TMC2: variants seen among roughly 807,000 people sequenced by gnomAD.
The protein encoded by TMC2 is transmembrane channel-like protein 2.
TMC2 carries 102 observed loss-of-function variants against 105.9 expected under a neutral mutation model. The ratio of observed to expected loss-of-function variants is 0.96; its 90% CI spans 0.82 to 1.14. The LOEUF (loss-of-function observed/expected upper bound fraction) is 1.14, where lower values mean the gene tolerates loss of function less well. Ranked by LOEUF, TMC2 falls within the 50% of genes most tolerant of loss-of-function variation. The pLI is 0.00. For synonymous variants in TMC2, 402 were observed against 422.8 expected, an observed-to-expected ratio of 0.95 and a Z score of 0.60; for missense variants, 1,093 against 1,134.3, an observed-to-expected ratio of 0.96 and a Z score of 0.52.
chr20:2,589,227 C>T (rs1045000691), intron 7 of TMC2, among the ~76,000 whole-genome samples: 2 of 148,326 alleles, frequency 1.3e-5, no homozygotes, highest in Non-Finnish European at 3.0e-5. Context: ...TCCCAGGCCT[C>T]AACTAAAAGC....
chr20:2,568,030 C>T (rs150323615), intron 4 of TMC2, among the ~76,000 whole-genome samples: 1,700 of 152,160 alleles, frequency 0.011, 60 homozygotes, highest in Admixed American at 0.085. Context: ...ACATTAGTAT[C>T]GTTGGAATTC....
At chr20:2,546,397 A>G (rs932257101) in intron 2 of TMC2, among the ~76,000 whole-genome samples, 2 of 152,246 alleles carry the variant, frequency 1.3e-5, no homozygotes, top group Non-Finnish European at 2.9e-5. Flanking sequence ...ACATAACTAA[A>G]GTAGCCTTAA....
Position 2,612,329 on chromosome 20 carries a change from G to C in TMC2, c.1732G>C (p.Ala578Pro). ...DVPRGSCWET[A>P]VGIEFMRLTV... ...GCCCCGGGGTTCTTGCTGGGAGACA[G>C]CTGTGGGCATTGTGAGTAGTTACAC... Residue 578 changes from alanine to proline, a missense_variant, in exon 13 of 20, where the codon GCT becomes CCT. Ala to Pro is a conservative substitution (Grantham distance 27). Coordinates refer to ENST00000358864, the MANE Select transcript of TMC2 (RefSeq NM_080751.3). The C allele has an allele frequency of 3.8e-6, 6 of 1,575,504 alleles. No homozygotes were observed. The highest frequency in any genetic ancestry group is 1.3e-5 in the African/African-American group (1 of 74,534).
intron 16 of TMC2, among the ~76,000 whole-genome samples, chr20:2,618,897 A>G (rs1401716203): frequency 6.6e-6 from 1 of 152,166 alleles, no homozygotes; most frequent in Non-Finnish European, 1.5e-5. Context: ...CTCCGTCCTT[A>G]TTGACCACAG....
intron 18 of TMC2, among the ~76,000 whole-genome samples, chr20:2,637,155 G>A (rs1216719523): frequency 3.3e-5 from 5 of 151,832 alleles, no homozygotes; most frequent in Non-Finnish European, 5.9e-5. Flanking sequence ...TTGTGAGGCC[G>A]AGGCCGGTGG....
At chr20:2,577,789 G>A (rs1292596421) in intron 5 of TMC2, among the ~76,000 whole-genome samples, 2 of 152,140 alleles carry the variant, frequency 1.3e-5, no homozygotes, top group African/African-American at 4.8e-5. Context: ...TGGCTACTCA[G>A]GAGGCTGAGG....
chr20:2,574,533 CCT>C (rs2086129271), intron 5 of TMC2, among the ~76,000 whole-genome samples: 1 of 152,014 alleles, frequency 6.6e-6, no homozygotes, highest in Admixed American at 6.6e-5. Context: ...TTATAGAATA[CCT>C]TGAAATTTTT....
intron 2 of TMC2, among the ~76,000 whole-genome samples, chr20:2,544,247 T>C (rs1026658622): frequency 1.1e-4 from 17 of 152,000 alleles, no homozygotes; most frequent in African/African-American, 2.7e-4. Context: ...TGGATAACCC[T>C]TGCTGGATGA....
At chr20:2,633,496 C>T (rs6050718) in intron 17 of TMC2, among the ~76,000 whole-genome samples, 114,636 of 151,828 alleles carry the variant, frequency 0.76, 43,395 homozygotes, top group East Asian at 0.87. Context: ...TGCAACACTT[C>T]TCACAGCCGT....
chr20:2,557,376 G>A (rs1012754758), intron 2 of TMC2, among the ~76,000 whole-genome samples: 1 of 151,976 alleles, frequency 6.6e-6, no homozygotes, highest in Non-Finnish European at 1.5e-5. Flanking sequence ...CCCATCAAAG[G>A]TGTTCTTTAC....
intron 5 of TMC2, among the ~76,000 whole-genome samples, chr20:2,577,480 C>T (rs960677229): frequency 4.6e-5 from 7 of 152,178 alleles, no homozygotes; most frequent in African/African-American, 1.2e-4. Flanking sequence ...TGCTGATGGG[C>T]TTCTCCTCTC....
chr20:2,567,600 A>G (rs185668527), intron 4 of TMC2, among the ~76,000 whole-genome samples: 4 of 152,212 alleles, frequency 2.6e-5, no homozygotes, highest in Admixed American at 2.6e-4. Context: ...GTCTCACTAT[A>G]TTGCTCAGGC....
chr20:2,627,724 G>T (rs1211830409), intron 17 of TMC2, among the ~76,000 whole-genome samples: 2 of 152,178 alleles, frequency 1.3e-5, no homozygotes, highest in South Asian at 2.1e-4. Context: ...AGCATTTACA[G>T]TTGTTTTTCT....
chr20:2,554,735 G>A (rs535067697), intron 2 of TMC2, among the ~76,000 whole-genome samples: 3 of 152,192 alleles, frequency 2.0e-5, no homozygotes, highest in African/African-American at 7.2e-5. Flanking sequence ...AAATATTTTG[G>A]TATTTTCCAG....
chr20:2,550,292 T>G (rs2085949210), intron 2 of TMC2, among the ~76,000 whole-genome samples: 2 of 152,064 alleles, frequency 1.3e-5, no homozygotes, highest in Admixed American at 1.3e-4. Flanking sequence ...GAGGCTGTAG[T>G]GTGCTGAGAT....
chr20:2,575,787 T>C (rs934905912), intron 5 of TMC2, among the ~76,000 whole-genome samples: 2 of 151,064 alleles, frequency 1.3e-5, no homozygotes, highest in African/African-American at 2.4e-5. Flanking sequence ...ATCTCAGAAA[T>C]TTATCAGGTT....
chr20:2,622,776 A>G (rs770904923), intron 16 of TMC2, among the ~76,000 whole-genome samples: 2 of 152,170 alleles, frequency 1.3e-5, no homozygotes, highest in Non-Finnish European at 1.5e-5. Context: ...CTCCTCATCT[A>G]TACTTTACAC....
At chr20:2,622,976 G>T (rs962443020) in intron 16 of TMC2, among the ~76,000 whole-genome samples, 2 of 151,986 alleles carry the variant, frequency 1.3e-5, no homozygotes, top group African/African-American at 4.8e-5. Context: ...AACTGGGGCA[G>T]AGAAATTTTC....
intron 9 of TMC2, 150 bp from the exon 10 acceptor site, chr20:2,597,001 G>C (rs2086312867): frequency 9.3e-6 from 7 of 755,326 alleles, no homozygotes; most frequent in Admixed American, 2.8e-5. Context: ...AAGCTGTCTT[G>C]GCTCAAGTCC....
Sources: allele counts gnomAD v4.1 joint callset (sites outside exome capture counted in the v4.1 genomes callset), GRCh38; gene constraint gnomAD v4.1.1; transcripts MANE v1.5; gene names NCBI Gene and HGNC (gene_info 2026-07-23, HGNC 2026-07-21).